Variants in SLC39A6 observed in about 807,000 individuals in gnomAD.
The protein encoded by SLC39A6 is solute carrier family 39 member 6.
SLC39A6 carries 51 observed loss-of-function variants against 63.5 expected under a neutral mutation model. That is an observed-to-expected ratio of 0.80 (90% confidence interval 0.64 to 1.01). The LOEUF (loss-of-function observed/expected upper bound fraction) is 1.01, where lower values mean the gene tolerates loss of function less well. Ranked by LOEUF, SLC39A6 falls within the 50% of genes least tolerant of loss-of-function variation. The probability of loss-of-function intolerance (pLI) is 0.00; values close to 1 mark genes in which losing one functional copy is unlikely to be tolerated. For missense variants in SLC39A6, 805 were observed against 927.8 expected (o/e 0.87, Z 1.72); for synonymous variants, 318 against 324.7 (o/e 0.98, Z 0.22).
Position 36,126,467 on chromosome 18 carries a change from T to C in SLC39A6, c.541A>G (p.Ser181Gly), listed in dbSNP as rs199513523. The C allele has an allele frequency of 8.7e-6, 14 of 1,614,256 alleles. No individual in the cohort carries two copies. The African/African-American group carries it at 1.5e-4, about 17-fold the overall frequency. ...HASGRRNVKDSVSASEVTSTV... is the reference protein window; with the variant it reads ...HASGRRNVKDGVSASEVTSTV... The stretch of plus-strand genomic sequence containing the variant: ...GAGGTCACTTCACTAGCACTAACAC[T>C]GTCCTTGACATTCCTTCTACCACTG... The change falls in exon 2 of 10, where the codon AGT becomes GGT. Residue 181 changes from serine to glycine, a missense_variant. Physicochemically the swap from Ser to Gly is moderately conservative, Grantham distance 56. This residue lies in a region of SLC39A6 where 639 missense variants were observed against 644.0 expected (regional missense o/e 0.99). Transcript: ENST00000269187.
In SLC39A6 at chr18:36,124,628, T is replaced by C. The variant is rs751599658; in HGVS notation, c.862A>G (p.Asn288Asp). Residue 288 changes from asparagine to aspartate, a missense_variant, in exon 3 of 10, where the codon AAC becomes GAC. Physicochemically the swap from Asn to Asp is conservative, Grantham distance 23. Around this residue, in one of 4 missense-constraint regions of SLC39A6, gnomAD observed 639 missense variants for 644.0 expected, o/e 0.99. Transcript: ENST00000269187. ...TTGATGATGGCTGGACAGAGATAGT[T>C]GAACTCTGTTGCATTCAGCGGAACC... ...IQVPLNATEF[N>D]YLCPAIINQI... 3.8e-6 allele frequency: 6 copies of C among 1,595,368 alleles called. No homozygotes were observed. The highest frequency in any genetic ancestry group is 5.2e-6 in the Non-Finnish European group (6 of 1,164,916).
intron 1 of SLC39A6, among the ~76,000 whole-genome samples, chr18:36,127,661 C>T (rs984663068): frequency 6.6e-6 from 1 of 152,120 alleles, no homozygotes; most frequent in Non-Finnish European, 1.5e-5. Flanking sequence ...CATACAAGCC[C>T]ATTTAAGACC....
chr18:36,110,406 T>G (rs1384057724), intron 9 of SLC39A6, among the ~76,000 whole-genome samples: 2 of 148,500 alleles, frequency 1.3e-5, no homozygotes, highest in Admixed American at 6.7e-5. Context: ...TGGACACATA[T>G]TAAGCAAGAT....
At chr18:36,127,507 CAAA>C (rs879342564) in intron 1 of SLC39A6, among the ~76,000 whole-genome samples, 2 of 135,926 alleles carry the variant, frequency 1.5e-5, no homozygotes, top group African/African-American at 5.5e-5. Flanking sequence ...AACCCTGTCT[CAAA>C]AAAAAAAAAG....
At position 36,109,611 on chromosome 18, in the gene SLC39A6, C is replaced by T; in HGVS notation, c.2250G>A (p.Val750=). 6.2e-7 allele frequency: 1 copy of T among 1,607,282 alleles called. No homozygotes were observed. The highest frequency in any genetic ancestry group is 1.3e-5 in the African/African-American group (1 of 74,634). Residue 750 remains valine (V), a synonymous_variant, in exon 10 of 10, where the codon GTG becomes GTA. Coordinates refer to ENST00000269187, the MANE Select transcript of SLC39A6 (RefSeq NM_012319.4). ...ACCTTAACTAGAAATTTATACGAAA[C>T]ACGATTTTATGTTCAAATATGGAAA... ...LLISIFEHKI[V]FRINF is the part of the protein sequence containing the mutation.
chr18:36,114,041 G>A (rs1332196312), intron 7 of SLC39A6, 56 bp downstream of exon 7: 3 of 1,519,292 alleles, frequency 2.0e-6, no homozygotes, highest in Non-Finnish European at 2.6e-6. Context: ...TTGACTAGGT[G>A]TTTAATGTGA....
Position 36,123,153 on chromosome 18 carries a change from G to C in SLC39A6, c.1140+342C>G, listed in dbSNP as rs567071683. On this transcript the variant is annotated intron_variant, in intron 4 of 9. Transcript: ENST00000269187. ...TCCAAGTTTCTTGGGTACATAAAGG[G>C]TCACATATTTTATTTCTTGGCAATT... Among the ~76,000 whole-genome samples, 274 of 152,226 alleles carry C rather than the reference G, an allele frequency of 1.8e-3. 1 individual carries two copies. The highest frequency in any genetic ancestry group is 6.2e-3 in the African/African-American group (259 of 41,542).
At chr18:36,116,988 C>T (rs1445786135) in intron 5 of SLC39A6, among the ~76,000 whole-genome samples, 1 of 152,204 alleles carries the variant, frequency 6.6e-6, no homozygotes, top group Non-Finnish European at 1.5e-5. Context: ...CCTGTAATCG[C>T]AGCACTTTGG....
rs373442145 is a variant in SLC39A6 at position 36,114,198 on chromosome 18, C to T, written c.1742G>A (p.Arg581His). 13 of 1,613,956 alleles carry T rather than the reference C, an allele frequency of 8.1e-6. No homozygotes were observed. Among genetic ancestry groups the T allele is most frequent in the Admixed American group, 3.3e-5 (2 of 59,988 alleles). The change falls in exon 7 of 10, where the codon CGC (arginine) becomes CAC (histidine). Residue 581 changes from arginine to histidine, a missense_variant. Around this residue, in one of 4 missense-constraint regions of SLC39A6, gnomAD observed 145 missense variants for 227.2 expected, o/e 0.64. Transcript: ENST00000269187. ...ATCTTTCAGCTCCTCCCGAGAGTAG[C>T]GCTGGCTGTGACTGTGAGGATGGTG... ...QNHHPHSHSQ[R>H]YSREELKDAG...
chr18:36,126,145 A>G (rs2054595538), intron 2 of SLC39A6, 74 bp downstream of exon 2: 5 of 1,358,058 alleles, frequency 3.7e-6, no homozygotes, highest in African/African-American at 1.5e-5. Context: ...TAAACTCCTC[A>G]TAACTAGAGA....
chr18:36,119,749 C>T (rs1398255606), intron 5 of SLC39A6, among the ~76,000 whole-genome samples: 1 of 151,958 alleles, frequency 6.6e-6, no homozygotes, highest in African/African-American at 2.4e-5. Flanking sequence ...GGCATGGTGG[C>T]ATGAGCCTGT....
intron 9 of SLC39A6, 36 bp downstream of exon 9, chr18:36,111,023 T>G: frequency 1.9e-6 from 3 of 1,607,152 alleles, no homozygotes; most frequent in Non-Finnish European, 2.5e-6. Flanking sequence ...ATTTTATTGT[T>G]GGTCAATAAT....
At chr18:36,110,391 G>C (rs2089291122) in intron 9 of SLC39A6, among the ~76,000 whole-genome samples, 1 of 134,594 alleles carries the variant, frequency 7.4e-6, no homozygotes, top group Non-Finnish European at 1.5e-5. Flanking sequence ...ATATTTTTGT[G>C]AATCTGGACA....
chr18:36,112,280 T>C (rs944400432), intron 8 of SLC39A6, among the ~76,000 whole-genome samples: 1 of 152,242 alleles, frequency 6.6e-6, no homozygotes, highest in Admixed American at 6.5e-5. Context: ...TGAGATTCTC[T>C]TTCTCAACTT....
intron 2 of SLC39A6, among the ~76,000 whole-genome samples, chr18:36,125,053 A>C (rs1250998949): frequency 1.3e-5 from 2 of 152,216 alleles, no homozygotes; most frequent in African/African-American, 4.8e-5. Flanking sequence ...GGCTCATCAG[A>C]GATTGAGAAA....
In SLC39A6 at chr18:36,118,549, G is replaced by A. The variant is rs528233035; in HGVS notation, c.1360-1770C>T. Among the ~76,000 whole-genome samples the A allele has an allele frequency of 2.7e-4, 41 of 152,254 alleles. 1 individual carries two copies. In the South Asian group the frequency reaches 7.1e-3, roughly 26 times the overall value. ...CATTCCAGGCAGGGAGTAGCACCAGGAAGGGGCCAGCACTGTTCTGGAACT... is the reference window on the plus strand; with the variant it reads ...CATTCCAGGCAGGGAGTAGCACCAGAAAGGGGCCAGCACTGTTCTGGAACT... On this transcript the variant is annotated intron_variant, in intron 5 of 9. Coordinates refer to ENST00000269187, the MANE Select transcript of SLC39A6 (RefSeq NM_012319.4).
chr18:36,110,930 AG>A, intron 9 of SLC39A6, 128 bp downstream of exon 9: 1 of 1,426,624 alleles, frequency 7.0e-7, no homozygotes, highest in Non-Finnish European at 9.3e-7. Flanking sequence ...ATTTGAGACC[AG>A]CCTGGACGAC....
chr18:36,108,951 C>T lies in SLC39A6; in HGVS notation c.*642G>A, dbSNP rs2089280489. 6.6e-6 allele frequency: 1 copy of T among 152,116 alleles called. No homozygotes were observed. Among genetic ancestry groups the T allele is most frequent in the Non-Finnish European group, 1.5e-5 (1 of 68,016 alleles). The allele number at this position is 152,116 out of a possible 1,614,324, so 9.4% of individuals were successfully genotyped here. A position where few individuals can be genotyped will look rare whatever the true frequency, so the allele number is the denominator to read the frequency against. ...AATATATTTAGATTTCTGTATTATACAAAGTTAAATGTACAACTAAATTAG... is the reference window on the plus strand; with the variant it reads ...AATATATTTAGATTTCTGTATTATATAAAGTTAAATGTACAACTAAATTAG... On this transcript the variant is annotated 3_prime_UTR_variant, in exon 10 of 10. Coordinates refer to ENST00000269187, the MANE Select transcript of SLC39A6 (RefSeq NM_012319.4).
Position 36,122,146 on chromosome 18 carries a change from C to T in SLC39A6, c.1265G>A (p.Trp422Ter), listed in dbSNP as rs778618732. 1 of 1,613,942 alleles carries T rather than the reference C, an allele frequency of 6.2e-7. No homozygotes were observed. The highest frequency in any genetic ancestry group is 1.7e-5 in the Admixed American group (1 of 60,006). Residue 422 changes from tryptophan to a stop codon, truncating the protein, a stop_gained, in exon 5 of 10, where the codon TGG becomes TAG. Coordinates refer to ENST00000269187, the MANE Select transcript of SLC39A6 (RefSeq NM_012319.4). LOFTEE classifies it high-confidence loss of function. ...IEESAYFDST[W>*]KGLTALGGLY... ...GCCTCCTAGAGCTGTTAGACCCTTC[C>T]ACGTGGAATCAAAATAGGCACTTTC...
Sources: gnomAD v4.1 joint callset for allele counts (sites outside exome capture counted in the v4.1 genomes callset) on GRCh38, gnomAD v4.1.1 for gene constraint, gnomAD v4.1.1 regional missense constraint, MANE v1.5 for transcripts, NCBI Gene and HGNC (gene_info 2026-07-23, HGNC 2026-07-21) for gene names.